EMC10: variants seen among roughly 807,000 people sequenced by gnomAD.
The protein encoded by EMC10 is UPF0510 protein INM02.
EMC10 carries 40 observed loss-of-function variants against 32.2 expected under a neutral mutation model. That is an observed-to-expected ratio of 1.24 (90% CI 0.96 to 1.61). The LOEUF is 1.61. Among genes scored for constraint, EMC10 ranks in the 40% most tolerant of loss-of-function variants. EMC10 has a pLI of 0.00. For missense variants in EMC10, 402 were observed against 357.7 expected (o/e 1.12, Z -1.00); for synonymous variants, 178 against 158.4 (o/e 1.12, Z -0.93).
rs759088213 is a variant in EMC10 at position 50,477,914 on chromosome 19, C to T, written c.115-15C>T. On this transcript the variant is annotated splice_polypyrimidine_tract_variant and intron_variant, in intron 1 of 6. Transcript: ENST00000334976. ...TTGGGTGGTCCTCACCTGGGGCCTT[C>T]TGTGTCCTCTGCAGGCTGGGGCGGA... The T allele has an allele frequency of 3.8e-6, 6 of 1,595,712 alleles. No homozygotes were observed. Among genetic ancestry groups the T allele is most frequent in the African/African-American group, 1.4e-5 (1 of 73,488 alleles).
In EMC10 at chr19:50,476,536, G is replaced by C; in HGVS notation, c.-9G>C. On this transcript the variant is annotated 5_prime_UTR_variant, in exon 1 of 7. Transcript: ENST00000334976. The stretch of plus-strand genomic sequence containing the variant: ...ACAGCCGTCCCTTCGCTGGTGGGAA[G>C]AAGCCGAGATGGCGGCAGCCAGCGC... 1 of 1,571,352 alleles carries C rather than the reference G, an allele frequency of 6.4e-7. No homozygotes were observed. Among genetic ancestry groups the C allele is most frequent in the Non-Finnish European group, 8.6e-7 (1 of 1,164,116 alleles).
chr19:50,479,056 G>T lies in EMC10; in HGVS notation c.287G>T (p.Gly96Val), dbSNP rs1034500129. The T allele has an allele frequency of 6.2e-7, 1 of 1,604,410 alleles. No homozygotes were observed. Among genetic ancestry groups the T allele is most frequent in the Non-Finnish European group, 8.5e-7 (1 of 1,176,570 alleles). ...SQRQLSEEER[G>V]RLRDVAALNG... ...CGGCAGCTCAGCGAGGAGGAGCGGG[G>T]CCGACTCCGGGTGAGGTGGGGCCCT... Residue 96 changes from glycine (G) to valine (V), a missense_variant, in exon 3 of 7, where the codon GGC (glycine) becomes GTC (valine). Gly to Val is a moderately radical substitution (Grantham distance 109). Coordinates refer to ENST00000334976, the MANE Select transcript of EMC10 (RefSeq NM_206538.4).
intron 6 of EMC10, 144 bp from the exon 7 acceptor site, chr19:50,482,005 T>G: frequency 2.5e-6 from 4 of 1,596,600 alleles, no homozygotes; most frequent in Non-Finnish European, 3.4e-6. Flanking sequence ...TGACCTGTAG[T>G]GACGTAGGGG....
In EMC10 at chr19:50,478,882, C is replaced by G. The variant is rs2040272167; in HGVS notation, c.188-75C>G. ...GTGGAGGCCAGGCCAAAATTTGAAG[C>G]TGGACCTCCTGGCCCCTGCCTGGGT... On this transcript the variant is annotated intron_variant, in intron 2 of 6. Coordinates refer to ENST00000334976, the MANE Select transcript of EMC10 (RefSeq NM_206538.4). 1.3e-5 allele frequency: 16 copies of G among 1,185,726 alleles called. No homozygotes were observed. In the South Asian group the frequency reaches 2.2e-4, roughly 17 times the overall value. 73.5% of individuals were successfully genotyped at this position (1,185,726 alleles called of 1,614,324 possible).
chr19:50,477,157 C>T lies in EMC10; in HGVS notation c.114+499C>T, dbSNP rs74769906. 918 of 152,004 alleles carry T rather than the reference C, an allele frequency of 6.0e-3. 10 individuals carry two copies. Among genetic ancestry groups the T allele is most frequent in the African/African-American group, 0.022 (885 of 41,086 alleles). The allele number at this position is 152,004 out of a possible 1,614,324, so 9.4% of individuals were successfully genotyped here. A position where few individuals can be genotyped will look rare whatever the true frequency, so the allele number is the denominator to read the frequency against. On this transcript the variant is annotated intron_variant, in intron 1 of 6. Coordinates refer to ENST00000334976, the MANE Select transcript of EMC10 (RefSeq NM_206538.4). ...GTGGCTCATGCTTGTAATCCCAGCA[C>T]TTCGGGAAGCCGAGGCGGGCGGACC...
chr19:50,479,984 C>G, intron 3 of EMC10, 127 bp from the exon 4 acceptor site: 1 of 748,288 alleles, frequency 1.3e-6, no homozygotes. Context: ...GGTTGGCTGG[C>G]CTGGGGAGTG....
At chr19:50,479,127 C>G in intron 3 of EMC10, 61 bp downstream of exon 3, 1 of 1,331,286 alleles carries the variant, frequency 7.5e-7, no homozygotes, top group South Asian at 1.3e-5. Context: ...GCTGTCTCTT[C>G]AGCCACCCCC....
intron 6 of EMC10, 71 bp from the exon 7 acceptor site, chr19:50,482,078 G>A (rs2040329379): frequency 1.4e-6 from 2 of 1,396,976 alleles, no homozygotes; most frequent in Non-Finnish European, 2.0e-6. Context: ...GGTGGGTGAT[G>A]CCCACACTCA....
rs1455678014 is a variant in EMC10, at chr19:50,486,551, C to T, written c.*4292C>T. 6.6e-6 allele frequency: 1 copy of T among 152,148 alleles called. No individual in the cohort carries two copies. The highest frequency in any genetic ancestry group is 1.5e-5 in the Non-Finnish European group (1 of 68,036). The allele number at this position is 152,148 out of a possible 1,614,324, so 9.4% of individuals were successfully genotyped here. A position where few individuals can be genotyped will look rare whatever the true frequency, so the allele number is the denominator to read the frequency against. The stretch of plus-strand genomic sequence containing the variant: ...AGGATTAGGGGCTAATTACTGGTGC[C>T]TCTTCAGCTGTCAGTCCATCCTCCT... On this transcript the variant is annotated 3_prime_UTR_variant, in exon 7 of 7. Transcript: ENST00000334976.
intron 1 of EMC10, chr19:50,476,893 A>T: frequency 1.3e-5 from 5 of 394,706 alleles, no homozygotes; most frequent in Non-Finnish European, 1.8e-5. Context: ...TGGCTCGGGA[A>T]TATGTATGAG....
chr19:50,477,952 C>T lies in EMC10; in HGVS notation c.138C>T (p.Gly46=), dbSNP rs748318389. The change falls in exon 2 of 7, where the codon GGC becomes GGT. Residue 46 remains glycine (G), a synonymous_variant. Transcript: ENST00000334976. ...AGGCTGGGGCGGAAGGTCGAGAGGG[C>T]GAGGCCTGTGGCACGGTGGGGCTGC... The part of the protein sequence containing the change: ...ARGAGAEGRE[G]EACGTVGLLL... 1.2e-5 allele frequency: 19 copies of T among 1,598,040 alleles called. No homozygotes were observed. Among genetic ancestry groups the T allele is most frequent in the African/African-American group, 2.7e-5 (2 of 73,576 alleles).
At position 50,482,489 on chromosome 19, in the gene EMC10, G is replaced by T. The variant is rs1283640738; in HGVS notation, c.*230G>T. On this transcript the variant is annotated 3_prime_UTR_variant, in exon 7 of 7. Coordinates refer to ENST00000334976, the MANE Select transcript of EMC10 (RefSeq NM_206538.4). Reference sequence around the variant, plus strand: ...TGTCTCCTGCGCCCGCCTCCCCCATGGCCCCATGCAGCCCCAGGGGCTTCC... The same window carrying T: ...TGTCTCCTGCGCCCGCCTCCCCCATTGCCCCATGCAGCCCCAGGGGCTTCC... 3.4e-6 allele frequency: 2 copies of T among 581,216 alleles called. No individual in the cohort carries two copies. The highest frequency in any genetic ancestry group is 6.1e-6 in the Non-Finnish European group (2 of 328,600). 36.0% of individuals were successfully genotyped at this position (581,216 alleles called of 1,614,324 possible).
chr19:50,481,155 G>A, intron 6 of EMC10, 178 bp downstream of exon 6: 2 of 592,928 alleles, frequency 3.4e-6, no homozygotes, highest in Middle Eastern at 3.5e-4. Flanking sequence ...GGGTATGGAA[G>A]TGTGGTCAGG....
rs767029184 is a variant in EMC10 at position 50,480,886 on chromosome 19, C to T, written c.587C>T (p.Pro196Leu). ...QLQPPTTAPG[P>L]ETAAFIERLE... ...CTCCTCCTCTCCCCTTGCCCCAGCCCTGAGACGGCGGCCTTCATTGAGCGC... is the reference window on the plus strand; with the variant it reads ...CTCCTCCTCTCCCCTTGCCCCAGCCTTGAGACGGCGGCCTTCATTGAGCGC... The change falls in exon 6 of 7, where the codon CCT (proline) becomes CTT (leucine). Residue 196 changes from proline (P) to leucine (L), a missense_variant and splice_region_variant. By Grantham distance (98) the Pro-to-Leu change is moderately conservative. Coordinates refer to ENST00000334976, the MANE Select transcript of EMC10 (RefSeq NM_206538.4). The surrounding 1 kb of genome is among the most constrained non-coding windows in gnomAD (Gnocchi z 4.4). 3.7e-6 allele frequency: 6 copies of T among 1,605,726 alleles called. No homozygotes were observed. The highest frequency in any genetic ancestry group is 2.2e-5 in the South Asian group (2 of 90,478).
In EMC10 at chr19:50,485,374, C is replaced by G. The variant is rs1601331415; in HGVS notation, c.*3115C>G. On this transcript the variant is annotated 3_prime_UTR_variant, in exon 7 of 7. Coordinates refer to ENST00000334976, the MANE Select transcript of EMC10 (RefSeq NM_206538.4). ...CCACCCCTGATCTCCAGACTCATGG[C>G]CCCAGCTGCCTCCTGGGCTCCTTCC... The G allele has an allele frequency of 6.6e-6, 1 of 152,354 alleles. No homozygotes were observed. The highest frequency in any genetic ancestry group is 1.9e-4 in the East Asian group (1 of 5,172). The allele number at this position is 152,354 out of a possible 1,614,324, so 9.4% of individuals were successfully genotyped here. A position where few individuals can be genotyped will look rare whatever the true frequency, so the allele number is the denominator to read the frequency against.
intron 6 of EMC10, 186 bp from the exon 7 acceptor site, chr19:50,481,963 C>G: frequency 6.8e-6 from 11 of 1,607,070 alleles, no homozygotes; most frequent in Non-Finnish European, 8.5e-6. Flanking sequence ...GACCGAGACC[C>G]CTGCCCCTCC....
Position 50,488,274 on chromosome 19 carries a change from C to A in EMC10, c.*6015C>A, listed in dbSNP as rs182796377. On this transcript the variant is annotated 3_prime_UTR_variant, in exon 7 of 7. Transcript: ENST00000334976. Reference sequence around the variant, plus strand: ...TTGCGCCACTGCACTCCAGCCTGGGCGACAGAGCGAGACTCCGTCTCAAAA... The same window carrying A: ...TTGCGCCACTGCACTCCAGCCTGGGAGACAGAGCGAGACTCCGTCTCAAAA... The A allele has an allele frequency of 3.8e-5, 4 of 106,138 alleles. No individual in the cohort carries two copies. Among genetic ancestry groups the A allele is most frequent in the African/African-American group, 1.5e-4 (4 of 27,406 alleles). 6.6% of individuals were successfully genotyped at this position (106,138 alleles called of 1,614,324 possible).
In EMC10 at chr19:50,482,332, C is replaced by T. The variant is rs1017807228; in HGVS notation, c.*73C>T. ...TTTCTGCTGGAGTCCCCTGTGTCCT[C>T]AGCCATCCCAAGAAGGGTTTGCTGG... is the stretch of plus-strand genomic sequence containing the variant. On this transcript the variant is annotated 3_prime_UTR_variant, in exon 7 of 7. Coordinates refer to ENST00000334976, the MANE Select transcript of EMC10 (RefSeq NM_206538.4). 1.5e-6 allele frequency: 1 copy of T among 688,502 alleles called. No individual in the cohort carries two copies. Among genetic ancestry groups the T allele is most frequent in the East Asian group, 2.7e-5 (1 of 36,868 alleles). 42.6% of individuals were successfully genotyped at this position (688,502 alleles called of 1,614,324 possible).
At chr19:50,476,912 G>T in intron 1 of EMC10, 1 of 395,960 alleles carries the variant, frequency 2.5e-6, no homozygotes. Context: ...AGGGGGCGGG[G>T]CTGGGGGTGT....
Sources: allele counts gnomAD v4.1 joint callset, GRCh38; gene constraint gnomAD v4.1.1; non-coding constraint Gnocchi (gnomAD v3.1); transcripts MANE v1.5; gene names NCBI Gene and HGNC (gene_info 2026-07-23, HGNC 2026-07-21).